The following UST variants were observed in gnomAD, a reference collection of about 807,000 sequenced individuals.
UST encodes the protein chondroitin sulfate 2-O-sulfotransferase.
Under a neutral mutation model 45.6 loss-of-function variants are expected in UST, and 21 were observed. That is an observed-to-expected ratio of 0.46 (90% CI 0.33 to 0.66). UST has a LOEUF of 0.66. Among genes scored for constraint, UST ranks in the 30% least tolerant of loss-of-function variants. The pLI, the probability that UST is intolerant of heterozygous loss-of-function variation, is 0.02. For missense variants in UST, 463 were observed against 512.4 expected (o/e 0.90, Z 0.93); for synonymous variants, 215 against 200.6 (o/e 1.07, Z -0.61).
chr6:149,073,355 A>G (rs943171950), intron 7 of UST, among the ~76,000 whole-genome samples: 2 of 152,254 alleles, frequency 1.3e-5, no homozygotes. Context: ...GGACAAATGC[A>G]TTGTTGAAAT....
At chr6:148,995,869 A>T (rs374502750) in intron 5 of UST, among the ~76,000 whole-genome samples, 1 of 152,068 alleles carries the variant, frequency 6.6e-6, no homozygotes, top group Non-Finnish European at 1.5e-5. Context: ...GCGTTTCTCC[A>T]CCCCTCAGTA....
intron 2 of UST, among the ~76,000 whole-genome samples, chr6:148,936,895 G>A (rs1462651434): frequency 2.6e-5 from 4 of 151,832 alleles, no homozygotes; most frequent in Admixed American, 6.6e-5. Context: ...GTGTTTCACC[G>A]TGTTGGCCAG....
intron 2 of UST, among the ~76,000 whole-genome samples, chr6:148,931,350 A>T (rs1012380918): frequency 1.3e-5 from 2 of 152,268 alleles, no homozygotes; most frequent in Non-Finnish European, 2.9e-5. Flanking sequence ...CTGTATAAAC[A>T]AAAGTGTCTA....
intron 4 of UST, among the ~76,000 whole-genome samples, chr6:148,962,803 C>A (rs1342877602): frequency 6.6e-6 from 1 of 152,178 alleles, no homozygotes; most frequent in African/African-American, 2.4e-5. Flanking sequence ...CCTTTGGATT[C>A]TTCTCTCTGA....
At chr6:148,843,299 G>A (rs998908158) in intron 1 of UST, among the ~76,000 whole-genome samples, 2 of 152,068 alleles carry the variant, frequency 1.3e-5, no homozygotes, top group Non-Finnish European at 2.9e-5. Flanking sequence ...AGAAGATATT[G>A]GTCCTTACTG....
chr6:148,915,592 A>G (rs906140686), intron 2 of UST, among the ~76,000 whole-genome samples: 1 of 152,236 alleles, frequency 6.6e-6, no homozygotes, highest in Non-Finnish European at 1.5e-5. Flanking sequence ...CAAAATATTA[A>G]TAAGGTATTT....
intron 1 of UST, among the ~76,000 whole-genome samples, chr6:148,822,675 A>C (rs1407864252): frequency 6.6e-6 from 1 of 152,184 alleles, no homozygotes; most frequent in Non-Finnish European, 1.5e-5. Context: ...GTAATTTGCC[A>C]TTTCTTCAAT....
intron 1 of UST, among the ~76,000 whole-genome samples, chr6:148,838,734 G>A (rs1280297531): frequency 6.6e-6 from 1 of 152,054 alleles, no homozygotes; most frequent in East Asian, 1.9e-4. Context: ...TGTCACCCCT[G>A]TCTCTACAGA....
intron 2 of UST, among the ~76,000 whole-genome samples, chr6:148,888,580 G>T (rs1401063402): frequency 6.6e-6 from 1 of 152,190 alleles, no homozygotes; most frequent in African/African-American, 2.4e-5. Context: ...TACAGCACAG[G>T]ATGCCTAAAA....
At chr6:148,833,985 C>A (rs1190228844) in intron 1 of UST, among the ~76,000 whole-genome samples, 1 of 152,148 alleles carries the variant, frequency 6.6e-6, no homozygotes, top group East Asian at 1.9e-4. Flanking sequence ...CTGTGTTGAC[C>A]TTTTCACCGT....
chr6:148,819,360 T>C (rs1182620306), intron 1 of UST, among the ~76,000 whole-genome samples: 1 of 152,246 alleles, frequency 6.6e-6, no homozygotes, highest in Non-Finnish European at 1.5e-5. Context: ...TTTGACATAA[T>C]GTTCACTGTG....
chr6:149,032,435 T>TCGCAC (rs1191767160), intron 7 of UST: 1 of 152,704 alleles, frequency 6.5e-6, no homozygotes, highest in African/African-American at 2.4e-5. Flanking sequence ...ATACAGGAGG[T>TCGCAC]CGCACACTGC....
intron 2 of UST, among the ~76,000 whole-genome samples, chr6:148,917,829 G>A (rs1779618151): frequency 6.6e-6 from 1 of 152,224 alleles, no homozygotes; most frequent in African/African-American, 2.4e-5. Flanking sequence ...TGGGTGGCAA[G>A]TTCTAGGGCC....
intron 7 of UST, among the ~76,000 whole-genome samples, chr6:149,052,491 G>C (rs531007581): frequency 6.6e-6 from 1 of 152,046 alleles, no homozygotes; most frequent in African/African-American, 2.4e-5. Flanking sequence ...GATTCATAAC[G>C]CTTCTATGTT....
At chr6:148,818,454 C>T (rs1457744668) in intron 1 of UST, among the ~76,000 whole-genome samples, 1 of 152,178 alleles carries the variant, frequency 6.6e-6, no homozygotes, top group Non-Finnish European at 1.5e-5. Context: ...AGAACTCTGT[C>T]CCTAATTCAG....
At chr6:148,918,827 T>C (rs959419356) in intron 2 of UST, among the ~76,000 whole-genome samples, 1 of 152,214 alleles carries the variant, frequency 6.6e-6, no homozygotes, top group African/African-American at 2.4e-5. Context: ...TGTTAAACTT[T>C]TTTTAGTTCT....
intron 2 of UST, among the ~76,000 whole-genome samples, chr6:148,896,717 C>T (rs1779138838): frequency 6.6e-6 from 1 of 152,104 alleles, no homozygotes; most frequent in Admixed American, 6.5e-5. Context: ...AATGCACTCA[C>T]CCACCCCTTA....
chr6:149,059,552 A>G (rs1776621988), intron 7 of UST, among the ~76,000 whole-genome samples: 1 of 152,168 alleles, frequency 6.6e-6, no homozygotes, highest in Non-Finnish European at 1.5e-5. Flanking sequence ...AGGATTGCAC[A>G]TTTGCTTCTC....
At chr6:148,926,352 A>G (rs1179881942) in intron 2 of UST, among the ~76,000 whole-genome samples, 1 of 152,246 alleles carries the variant, frequency 6.6e-6, no homozygotes, top group East Asian at 1.9e-4. Flanking sequence ...AGAAAGGCCT[A>G]TATCAGAAAT....
Sources: allele counts gnomAD v4.1 joint callset (sites outside exome capture counted in the v4.1 genomes callset), GRCh38; gene constraint gnomAD v4.1.1; transcripts MANE v1.5; gene names NCBI Gene and HGNC (gene_info 2026-07-23, HGNC 2026-07-21).